Variants in USP40 observed in about 807,000 individuals in gnomAD.
USP40 encodes ubiquitin specific peptidase 40.
In USP40, 143 loss-of-function variants were observed where a neutral mutation model predicts 166.2. The observed-to-expected ratio is 0.86, with a 90% confidence interval of 0.75 to 0.99. The LOEUF is 0.99. Among genes scored for constraint, USP40 ranks in the 50% least tolerant of loss-of-function variants. The pLI, the probability that USP40 is intolerant of heterozygous loss-of-function variation, is 0.00. For missense variants in USP40, 1,444 were observed against 1,479.7 expected (o/e 0.98, Z 0.40); for synonymous variants, 498 against 524.0 (o/e 0.95, Z 0.68).
In USP40 at chr2:233,477,275, A is replaced by C; in HGVS notation, c.*117T>G. ...TCAGAGGAGCCGTCCCTGTGCTCAA[A>C]GGAAGCAGAGGATTTGGGATTGGAG... is the stretch of plus-strand genomic sequence containing the variant. On this transcript the variant is annotated 3_prime_UTR_variant, in exon 32 of 32. Coordinates refer to ENST00000678225, the MANE Select transcript of USP40 (RefSeq NM_001365479.2). 3.2e-6 allele frequency: 3 copies of C among 931,440 alleles called. No homozygotes were observed. In the South Asian group the frequency reaches 4.2e-5, roughly 13 times the overall value. 57.7% of individuals were successfully genotyped at this position (931,440 alleles called of 1,614,324 possible).
rs537680578 is a variant in USP40 at position 233,477,432 on chromosome 2, G to C, written c.3671C>G (p.Pro1224Arg). The C allele has an allele frequency of 1.9e-6, 3 of 1,613,800 alleles. No homozygotes were observed. Among genetic ancestry groups the C allele is most frequent in the Non-Finnish European group, 2.5e-6 (3 of 1,179,878 alleles). ...SAETPARPRA[P>R]ETSLSIHVGS... The stretch of plus-strand genomic sequence containing the variant: ...CACGTGGATGGAGAGAGAAGTTTCC[G>C]GGGCTCGGGGCCGGGCAGGCGTCTC... The change falls in exon 32 of 32, where the codon CCG (proline) becomes CGG (arginine). Residue 1224 changes from proline to arginine, a missense_variant. Coordinates refer to ENST00000678225, the MANE Select transcript of USP40 (RefSeq NM_001365479.2).
intron 31 of USP40, 119 bp downstream of exon 31, chr2:233,481,084 G>T: frequency 1.1e-6 from 1 of 928,006 alleles, no homozygotes; most frequent in Non-Finnish European, 1.6e-6. Context: ...ACACTGGTGT[G>T]CTTTGTGTGC....
At chr2:233,479,971 C>T (rs1196353469) in intron 31 of USP40, among the ~76,000 whole-genome samples, 2 of 152,186 alleles carry the variant, frequency 1.3e-5, no homozygotes, top group Non-Finnish European at 1.5e-5. Flanking sequence ...GGAGTCTCCT[C>T]GCTCGGCTCC....
At chr2:233,494,746 G>C (rs568548068) in intron 24 of USP40, among the ~76,000 whole-genome samples, 1 of 145,488 alleles carries the variant, frequency 6.9e-6, no homozygotes, top group African/African-American at 2.5e-5. Context: ...TGTAGTCCCA[G>C]CCCAGGAGAT....
At position 233,506,073 on chromosome 2, in the gene USP40, C is replaced by A. The variant is rs371380200; in HGVS notation, c.2613+3976G>T. On this transcript the variant is annotated intron_variant, in intron 21 of 31. Coordinates refer to ENST00000678225, the MANE Select transcript of USP40 (RefSeq NM_001365479.2). ...TGAGCAAAAAGAACAGAGCTGGAGGCACCATACTGCCTTACTTCAAAATAT... is the reference window on the plus strand; with the variant it reads ...TGAGCAAAAAGAACAGAGCTGGAGGAACCATACTGCCTTACTTCAAAATAT... 1.3e-3 allele frequency among the ~76,000 whole-genome samples: 202 copies of A among 152,260 alleles called. 1 individual carries two copies. The highest frequency in any genetic ancestry group is 4.5e-3 in the African/African-American group (187 of 41,546).
rs1253769114 is a variant in USP40, at chr2:233,485,633, G to T, written c.3409-7C>A. The T allele has an allele frequency of 6.2e-7, 1 of 1,611,462 alleles. No homozygotes were observed. Among genetic ancestry groups the T allele is most frequent in the South Asian group, 1.1e-5 (1 of 90,846 alleles). Reference sequence around the variant, plus strand: ...TCTTGGTTATTTGTTGGTTCTATGGGAAAATCAAACATCTTAAATAAGCAA... The same window carrying T: ...TCTTGGTTATTTGTTGGTTCTATGGTAAAATCAAACATCTTAAATAAGCAA... On this transcript the variant is annotated splice_polypyrimidine_tract_variant and splice_region_variant and intron_variant, in intron 29 of 31. Transcript: ENST00000678225.
At chr2:233,563,399 T>C (rs898361822) in intron 2 of USP40, among the ~76,000 whole-genome samples, 1 of 152,172 alleles carries the variant, frequency 6.6e-6, no homozygotes, top group Non-Finnish European at 1.5e-5. Context: ...GAAGTCTGTA[T>C]CCGAGCCTAG....
At chr2:233,529,641 C>A in intron 11 of USP40, 129 bp from the exon 12 acceptor site, 5 of 516,886 alleles carry the variant, frequency 9.7e-6, no homozygotes, top group South Asian at 4.0e-5. Context: ...TGTGTGAATA[C>A]GAATTTTCTC....
rs975864057 is a variant in USP40 at position 233,480,445 on chromosome 2, G to C, written c.3599+758C>G. On this transcript the variant is annotated intron_variant, in intron 31 of 31. Coordinates refer to ENST00000678225, the MANE Select transcript of USP40 (RefSeq NM_001365479.2). The surrounding 1 kb of genome is among the most constrained non-coding windows in gnomAD (Gnocchi z 4.5). The stretch of plus-strand genomic sequence containing the variant: ...ATGCCACGGGCAGGTCCTGGGACTT[G>C]TGGTGGTGGTGAGCTGAGCAGTGCG... Among the ~76,000 whole-genome samples the C allele has an allele frequency of 6.6e-6, 1 of 152,198 alleles. No individual in the cohort carries two copies. The highest frequency in any genetic ancestry group is 1.5e-5 in the Non-Finnish European group (1 of 68,034).
At chr2:233,542,527 TAGAG>T (rs1247071204) in intron 8 of USP40, 164 bp from the exon 9 acceptor site, 16 of 546,552 alleles carry the variant, frequency 2.9e-5, no homozygotes, top group Admixed American at 2.1e-4. Flanking sequence ...CTGGGCAACA[TAGAG>T]AGACCAGCAC....
rs1348902848 is a variant in USP40 at position 233,523,161 on chromosome 2, G to T, written c.2201+9C>A. Reference sequence around the variant, plus strand: ...TTTAGAAATCCTTTTTCTCTTGTTAGCGAGTTACCTGTTATCATCATGAGA... The same window carrying T: ...TTTAGAAATCCTTTTTCTCTTGTTATCGAGTTACCTGTTATCATCATGAGA... On this transcript the variant is annotated intron_variant, in intron 16 of 31. Transcript: ENST00000678225. 1.3e-6 allele frequency: 2 copies of T among 1,591,370 alleles called. No individual in the cohort carries two copies. Among genetic ancestry groups the T allele is most frequent in the Admixed American group, 1.7e-5 (1 of 57,438 alleles).
intron 2 of USP40, among the ~76,000 whole-genome samples, chr2:233,564,650 G>C (rs936698995): frequency 1.1e-4 from 16 of 152,026 alleles, no homozygotes; most frequent in African/African-American, 3.4e-4. Context: ...AAATCTCTGG[G>C]TCTTTGGAAT....
In USP40 at chr2:233,508,962, A is replaced by G. The variant is rs941169465; in HGVS notation, c.2613+1087T>C. Reference sequence around the variant, plus strand: ...CTCCTCAATCTCTTTGATGATTCCAATGGTCTTGGATAGCGGCTTCACTGC... The same window carrying G: ...CTCCTCAATCTCTTTGATGATTCCAGTGGTCTTGGATAGCGGCTTCACTGC... On this transcript the variant is annotated intron_variant, in intron 21 of 31. Transcript: ENST00000678225. Among the ~76,000 whole-genome samples, 12 of 152,288 alleles carry G rather than the reference A, an allele frequency of 7.9e-5. No homozygotes were observed. In the East Asian group the frequency reaches 1.5e-3, roughly 20 times the overall value.
chr2:233,483,860 T>A (rs1031572937), intron 30 of USP40, among the ~76,000 whole-genome samples: 1 of 152,246 alleles, frequency 6.6e-6, no homozygotes, highest in African/African-American at 2.4e-5. Context: ...TTATGAAAAT[T>A]AATGAATATG....
intron 26 of USP40, 65 bp downstream of exon 26, chr2:233,491,102 T>C: frequency 1.8e-6 from 2 of 1,096,730 alleles, no homozygotes; most frequent in Non-Finnish European, 1.4e-6. Flanking sequence ...GATAGAAGAA[T>C]ATATTAATAT....
In USP40 at chr2:233,533,556, A is replaced by G; in HGVS notation, c.1394T>C (p.Ile465Thr). 1 of 1,613,884 alleles carries G rather than the reference A, an allele frequency of 6.2e-7. No individual in the cohort carries two copies. Among genetic ancestry groups the G allele is most frequent in the Non-Finnish European group, 8.5e-7 (1 of 1,179,820 alleles). Residue 465 changes from isoleucine to threonine, a missense_variant, in exon 11 of 32, where the codon ATT becomes ACT. Transcript: ENST00000678225. ...SKVQPIREKD[I>T]EQQFQGKESA... ...TTCTTTACCCTGAAATTGCTGTTCA[A>G]TATCCTTTTCCCTGATTGGCTGGAC...
At chr2:233,498,678 T>TAGA in intron 22 of USP40, 66 bp from the exon 23 acceptor site, 1 of 1,347,994 alleles carries the variant, frequency 7.4e-7, no homozygotes, top group Non-Finnish European at 1.0e-6. Context: ...GTGTAACTTC[T>TAGA]AGAAGAATGT....
chr2:233,541,543 C>T (rs2069413176), intron 9 of USP40, among the ~76,000 whole-genome samples: 1 of 152,204 alleles, frequency 6.6e-6, no homozygotes. Context: ...TCAGAAAATA[C>T]ATTTCTATCA....
intron 24 of USP40, among the ~76,000 whole-genome samples, chr2:233,496,350 G>A (rs1303121325): frequency 6.6e-6 from 1 of 152,134 alleles, no homozygotes; most frequent in Non-Finnish European, 1.5e-5. Context: ...CACACCTTTG[G>A]ACTTAGGAAT....
Sources: gnomAD v4.1 joint callset for allele counts (sites outside exome capture counted in the v4.1 genomes callset) on GRCh38, gnomAD v4.1.1 for gene constraint, Gnocchi (gnomAD v3.1) non-coding constraint, MANE v1.5 for transcripts, NCBI Gene and HGNC (gene_info 2026-07-23, HGNC 2026-07-21) for gene names.